CERS6: variants seen among roughly 807,000 people sequenced by gnomAD.
The protein encoded by CERS6 is LAG1 homolog, ceramide synthase 6.
CERS6 carries 26 observed loss-of-function variants against 56.8 expected under a neutral mutation model. The observed-to-expected ratio is 0.46, with a 90% confidence interval of 0.34 to 0.63. The LOEUF (loss-of-function observed/expected upper bound fraction) is 0.63, where lower values mean the gene tolerates loss of function less well. Ranked by LOEUF, CERS6 falls within the 30% of genes least tolerant of loss-of-function variation. CERS6 has a pLI of 0.01. For missense variants in CERS6, 415 were observed against 467.5 expected (o/e 0.89, Z 1.04); for synonymous variants, 164 against 173.3 (o/e 0.95, Z 0.42).
At chr2:168,670,966 T>TTCCCC (rs1685893976) in intron 4 of CERS6, among the ~76,000 whole-genome samples, 24 of 30,516 alleles carry the variant, frequency 7.9e-4, no homozygotes, top group Non-Finnish European at 2.2e-3. Context: ...GATACATGCT[T>TTCCCC]CCCCCCCCCC....
chr2:168,759,119 C>T (rs539798334), intron 8 of CERS6, among the ~76,000 whole-genome samples: 6 of 152,238 alleles, frequency 3.9e-5, no homozygotes, highest in African/African-American at 1.4e-4. Context: ...AAATCACCCA[C>T]CAAGGCTAAG....
intron 4 of CERS6, among the ~76,000 whole-genome samples, chr2:168,683,918 T>C (rs569569841): frequency 4.6e-5 from 7 of 152,284 alleles, no homozygotes; most frequent in African/African-American, 1.7e-4. Context: ...AACTATTGGC[T>C]GAAAGGCTTA....
At chr2:168,642,297 G>A (rs771280546) in intron 4 of CERS6, among the ~76,000 whole-genome samples, 4 of 152,148 alleles carry the variant, frequency 2.6e-5, no homozygotes, top group African/African-American at 7.2e-5. Flanking sequence ...AGCTATGATC[G>A]TGCCACTGCA....
chr2:168,631,059 T>A lies in CERS6; in HGVS notation c.465+17T>A, dbSNP rs763065041. On this transcript the variant is annotated intron_variant, in intron 4 of 9. Coordinates refer to ENST00000305747, the MANE Select transcript of CERS6 (RefSeq NM_203463.3). ...CTGAAAAAGGTAGGATCTCTCAAAC[T>A]ATTTTACATGATTCTTATGTAAGTG... The A allele has an allele frequency of 7.5e-7, 1 of 1,334,910 alleles. No homozygotes were observed. The highest frequency in any genetic ancestry group is 1.0e-6 in the Non-Finnish European group (1 of 952,630). 82.7% of individuals were successfully genotyped at this position (1,334,910 alleles called of 1,614,324 possible). A position where few individuals can be genotyped will look rare whatever the true frequency, so the allele number is the denominator to read the frequency against.
intron 3 of CERS6, among the ~76,000 whole-genome samples, chr2:168,597,134 C>A (rs1462946416): frequency 2.0e-5 from 3 of 152,076 alleles, no homozygotes; most frequent in Non-Finnish European, 4.4e-5. Context: ...AGGGATGGCG[C>A]CAGGTTTGAG....
At chr2:168,531,820 CAAAA>C (rs370604357) in intron 1 of CERS6, among the ~76,000 whole-genome samples, 1 of 95,584 alleles carries the variant, frequency 1.0e-5, no homozygotes, top group Admixed American at 1.1e-4. Flanking sequence ...GACTCTGTCT[CAAAA>C]AAAAAAAAAA....
chr2:168,513,746 T>C (rs1464144915), intron 1 of CERS6, among the ~76,000 whole-genome samples: 5 of 152,236 alleles, frequency 3.3e-5, no homozygotes, highest in African/African-American at 1.2e-4. Flanking sequence ...CTATAGCAGC[T>C]GACACTTAAG....
intron 6 of CERS6, among the ~76,000 whole-genome samples, chr2:168,697,457 C>T (rs1686682415): frequency 6.6e-6 from 1 of 151,906 alleles, no homozygotes; most frequent in Admixed American, 6.6e-5. Context: ...AGGTACTGTG[C>T]GAGGCTCATG....
chr2:168,681,128 G>A (rs1206312184), intron 4 of CERS6, among the ~76,000 whole-genome samples: 1 of 152,202 alleles, frequency 6.6e-6, no homozygotes, highest in Non-Finnish European at 1.5e-5. Context: ...TTAAGGCCTA[G>A]GCAAATGGGT....
chr2:168,542,471 G>A (rs1695390000), intron 1 of CERS6, among the ~76,000 whole-genome samples: 1 of 152,152 alleles, frequency 6.6e-6, no homozygotes, highest in Non-Finnish European at 1.5e-5. Flanking sequence ...TATCACATGT[G>A]TAGGTTTGTG....
intron 4 of CERS6, among the ~76,000 whole-genome samples, chr2:168,663,618 T>C (rs946358661): frequency 2.0e-5 from 3 of 152,202 alleles, no homozygotes; most frequent in Non-Finnish European, 2.9e-5. Flanking sequence ...TTCTTTACTA[T>C]CATTCATATA....
At chr2:168,666,383 A>G (rs4668095) in intron 4 of CERS6, among the ~76,000 whole-genome samples, 18,248 of 152,168 alleles carry the variant, frequency 0.12, 1,116 homozygotes, top group African/African-American at 0.15. Context: ...TACCTTTTTC[A>G]GAATGTCATA....
intron 9 of CERS6, among the ~76,000 whole-genome samples, chr2:168,766,582 G>T (rs1006817071): frequency 2.0e-5 from 3 of 152,216 alleles, no homozygotes; most frequent in African/African-American, 7.2e-5. Flanking sequence ...CAGAGAAGAA[G>T]AATTTCTTTC....
chr2:168,526,238 C>T (rs1001939935), intron 1 of CERS6, among the ~76,000 whole-genome samples: 2 of 152,126 alleles, frequency 1.3e-5, no homozygotes, highest in South Asian at 2.1e-4. Flanking sequence ...TATGAGTAAG[C>T]TGTGTTTTGC....
intron 1 of CERS6, among the ~76,000 whole-genome samples, chr2:168,500,072 A>G (rs938897534): frequency 2.0e-5 from 3 of 152,174 alleles, no homozygotes; most frequent in African/African-American, 7.2e-5. Context: ...TGATACCCCC[A>G]AGAGTATGTT....
Position 168,547,707 on chromosome 2 carries a change from A to G in CERS6, c.276+6A>G. The G allele has an allele frequency of 6.4e-7, 1 of 1,569,056 alleles. No homozygotes were observed. The highest frequency in any genetic ancestry group is 8.8e-7 in the Non-Finnish European group (1 of 1,139,038). Reference sequence around the variant, plus strand: ...TCTTCACTGCAATTACAAAGGTATGATTGTCCTTTCCTGGGGTATAGATTG... The same window carrying G: ...TCTTCACTGCAATTACAAAGGTATGGTTGTCCTTTCCTGGGGTATAGATTG... On this transcript the variant is annotated splice_donor_region_variant and intron_variant, in intron 2 of 9. Coordinates refer to ENST00000305747, the MANE Select transcript of CERS6 (RefSeq NM_203463.3).
chr2:168,562,265 T>C (rs1218910924), intron 3 of CERS6, among the ~76,000 whole-genome samples: 1 of 152,050 alleles, frequency 6.6e-6, no homozygotes, highest in Non-Finnish European at 1.5e-5. Context: ...GGGGTGACCT[T>C]CCCCTCCACA....
chr2:168,764,288 G>A (rs953959000), intron 8 of CERS6, among the ~76,000 whole-genome samples: 1 of 151,990 alleles, frequency 6.6e-6, no homozygotes, highest in Non-Finnish European at 1.5e-5. Context: ...GACTACAGGT[G>A]CCCGCCACCA....
At chr2:168,514,503 C>T (rs1399182620) in intron 1 of CERS6, among the ~76,000 whole-genome samples, 6 of 152,222 alleles carry the variant, frequency 3.9e-5, no homozygotes, top group Non-Finnish European at 8.8e-5. Context: ...CCACACACTA[C>T]ATAAGGTTTC....
Sources: gnomAD v4.1 joint callset for allele counts (sites outside exome capture counted in the v4.1 genomes callset) on GRCh38, gnomAD v4.1.1 for gene constraint, MANE v1.5 for transcripts, NCBI Gene and HGNC (gene_info 2026-07-23, HGNC 2026-07-21) for gene names.